Variants in IMMP2L observed in about 807,000 individuals in gnomAD.
IMMP2L encodes the protein inner mitochondrial membrane peptidase subunit 2.
IMMP2L carries 18 observed loss-of-function variants against 19.3 expected under a neutral mutation model. The observed-to-expected ratio is 0.93, with a 90% CI of 0.64 to 1.38. The LOEUF is 1.38. Ranked by LOEUF, IMMP2L falls within the 40% of genes most tolerant of loss-of-function variation. The pLI is 0.00. For missense variants in IMMP2L, 233 were observed against 218.2 expected, an observed-to-expected ratio of 1.07 and a Z score of -0.43; for synonymous variants, 76 against 73.0, an observed-to-expected ratio of 1.04 and a Z score of -0.21.
rs1261732365 is a variant in IMMP2L, at chr7:110,792,328, AGTT to A, written c.408+94262_408+94264del. 3.3e-5 allele frequency among the ~76,000 whole-genome samples: 5 copies of A among 151,864 alleles called. No individual in the cohort carries two copies. The East Asian group carries it at 9.7e-4, about 29-fold the overall frequency. On this transcript the variant is annotated intron_variant, in intron 5 of 5. Transcript: ENST00000405709. ...TGAAAGGACTGGCATACAGGTACTG[AGTT>A]GATACCATTTTTTTCCCTTCTCTAA...
intron 5 of IMMP2L, chr7:110,725,621 T>G (rs906918749): frequency 6.6e-6 from 1 of 152,190 alleles, no homozygotes; most frequent in African/African-American, 2.4e-5. Context: ...TCTACTATGT[T>G]TAAGCACTGT....
At chr7:110,770,255 G>A (rs940448444) in intron 5 of IMMP2L, among the ~76,000 whole-genome samples, 5 of 152,224 alleles carry the variant, frequency 3.3e-5, no homozygotes, top group South Asian at 2.1e-4. Context: ...CCCTTACGAC[G>A]AATGTGAAGC....
In IMMP2L at chr7:111,123,286, A is replaced by G. The variant is rs1489704959; in HGVS notation, c.240-159721T>C. On this transcript the variant is annotated intron_variant, in intron 3 of 5. Transcript: ENST00000405709. The surrounding 1 kb of genome is among the most constrained non-coding windows in gnomAD (Gnocchi z 6.4). Reference sequence around the variant, plus strand: ...ACATAATCTTCTTCGACTTCATCTCAATTCAAATAGATTGCAGATGATCAA... The same window carrying G: ...ACATAATCTTCTTCGACTTCATCTCGATTCAAATAGATTGCAGATGATCAA... 10 of 1,613,782 alleles carry G rather than the reference A, an allele frequency of 6.2e-6. No individual in the cohort carries two copies. The highest frequency in any genetic ancestry group is 7.6e-6 in the Non-Finnish European group (9 of 1,179,902).
chr7:110,950,137 G>T (rs376523119), intron 4 of IMMP2L, among the ~76,000 whole-genome samples: 2 of 152,022 alleles, frequency 1.3e-5, no homozygotes, highest in East Asian at 3.9e-4. Flanking sequence ...TTGATTTTTT[G>T]TGTGGTGTAA....
chr7:110,757,197 G>C lies in IMMP2L; in HGVS notation c.409-93476C>G, dbSNP rs1798085608. 1.3e-5 allele frequency among the ~76,000 whole-genome samples: 2 copies of C among 152,026 alleles called. No homozygotes were observed. Among genetic ancestry groups the C allele is most frequent in the African/African-American group, 4.8e-5 (2 of 41,408 alleles). ...GGCATAGGGAGGGAATCCAGTGTTG[G>C]AGGCAAGGGGTGAAATCAGGGCTGG... On this transcript the variant is annotated intron_variant, in intron 5 of 5. Transcript: ENST00000405709. This position sits in a 1 kb window ranked among gnomAD's most constrained non-coding sequence, Gnocchi z 4.2.
rs199756764 is a variant in IMMP2L at position 110,790,656 on chromosome 7, AACAGTGGT to A, written c.408+95929_408+95936del. ...GATTTTTGGCCTGAGCAAATGGTTAAACAGTGGTACAGTGGGGCCACTTCGGAGTAGGT... is the reference window on the plus strand; with the variant it reads ...GATTTTTGGCCTGAGCAAATGGTTAAACAGTGGGGCCACTTCGGAGTAGGT... On this transcript the variant is annotated intron_variant, in intron 5 of 5. Coordinates refer to ENST00000405709, the MANE Select transcript of IMMP2L (RefSeq NM_032549.4). Among the ~76,000 whole-genome samples, 388 of 151,780 alleles carry A rather than the reference AACAGTGGT, an allele frequency of 2.6e-3. 11 individuals carry two copies. Among genetic ancestry groups the A allele is most frequent in the African/African-American group, 8.7e-3 (358 of 41,198 alleles).
chr7:110,861,123 GAGAGAGACAGAGAC>G (rs6150290), intron 5 of IMMP2L, among the ~76,000 whole-genome samples: 9,188 of 143,942 alleles, frequency 0.064, 283 homozygotes, highest in African/African-American at 0.098. Flanking sequence ...GAGAGAGAGA[GAGAGAGACAGAGAC>G]AGAGAGACAG....
chr7:111,488,907 G>A (rs951897416), intron 2 of IMMP2L, among the ~76,000 whole-genome samples: 12 of 152,052 alleles, frequency 7.9e-5, no homozygotes, highest in African/African-American at 2.7e-4. Context: ...TTGCAGGAGT[G>A]AGGTAGTATT....
At chr7:110,729,451 G>GC (rs1336956694) in intron 5 of IMMP2L, among the ~76,000 whole-genome samples, 4 of 152,250 alleles carry the variant, frequency 2.6e-5, no homozygotes, top group Non-Finnish European at 5.9e-5. Context: ...GGGGGAAACT[G>GC]CCCCCATAAT....
intron 5 of IMMP2L, among the ~76,000 whole-genome samples, chr7:110,883,092 C>T (rs551593451): frequency 1.1e-3 from 161 of 152,040 alleles, no homozygotes; most frequent in African/African-American, 3.8e-3. Context: ...CATTTTTTTG[C>T]GCTTTATAAA....
At chr7:111,256,488 G>A (rs1351083486) in intron 3 of IMMP2L, among the ~76,000 whole-genome samples, 1 of 151,978 alleles carries the variant, frequency 6.6e-6, no homozygotes, top group African/African-American at 2.4e-5. Flanking sequence ...AATAGAATAT[G>A]TCAGTGAAAT....
At chr7:110,784,593 C>A (rs1393429934) in intron 5 of IMMP2L, among the ~76,000 whole-genome samples, 5 of 151,898 alleles carry the variant, frequency 3.3e-5, no homozygotes, top group African/African-American at 1.2e-4. Context: ...ATGTGATCAC[C>A]CCTCATCCAT....
At chr7:110,815,693 G>A (rs12536041) in intron 5 of IMMP2L, among the ~76,000 whole-genome samples, 36,589 of 151,908 alleles carry the variant, frequency 0.24, 4,551 homozygotes, top group Non-Finnish European at 0.28. Flanking sequence ...GTTTAGTCTT[G>A]GGAGGGTGTA....
At chr7:111,525,909 G>A (rs555682276) in intron 1 of IMMP2L, among the ~76,000 whole-genome samples, 1 of 152,078 alleles carries the variant, frequency 6.6e-6, no homozygotes, top group East Asian at 1.9e-4. Flanking sequence ...AGGGACGATG[G>A]CCCTGAAGCA....
intron 3 of IMMP2L, among the ~76,000 whole-genome samples, chr7:111,174,666 A>G (rs1225615127): frequency 6.6e-6 from 1 of 151,792 alleles, no homozygotes; most frequent in African/African-American, 2.4e-5. Context: ...CTCTAGTAAA[A>G]CAATTATTGA....
chr7:111,124,088 A>T, intron 3 of IMMP2L: 1 of 1,613,978 alleles, frequency 6.2e-7, no homozygotes, highest in South Asian at 1.1e-5. Context: ...GCTGGGAGCT[A>T]TGTTTCCTTT....
At chr7:111,040,491 C>A (rs1791788784) in intron 3 of IMMP2L, among the ~76,000 whole-genome samples, 1 of 151,614 alleles carries the variant, frequency 6.6e-6, no homozygotes, top group Non-Finnish European at 1.5e-5. Flanking sequence ...ACAATTACAG[C>A]AAAGGGAGTG....
At chr7:111,422,625 G>A (rs935462598) in intron 3 of IMMP2L, among the ~76,000 whole-genome samples, 3 of 151,964 alleles carry the variant, frequency 2.0e-5, no homozygotes, top group South Asian at 4.1e-4. Context: ...GGGTTGAGAC[G>A]ATAGTCTTTT....
At chr7:110,995,010 G>A (rs1426042284) in intron 3 of IMMP2L, among the ~76,000 whole-genome samples, 3 of 152,050 alleles carry the variant, frequency 2.0e-5, no homozygotes, top group Non-Finnish European at 4.4e-5. Context: ...TACATTCAAG[G>A]CACATTGAAA....
Sources: gnomAD v4.1 joint callset for allele counts (sites outside exome capture counted in the v4.1 genomes callset) on GRCh38, gnomAD v4.1.1 for gene constraint, Gnocchi (gnomAD v3.1) non-coding constraint, MANE v1.5 for transcripts, NCBI Gene and HGNC (gene_info 2026-07-23, HGNC 2026-07-21) for gene names.